POLD3: variants seen among roughly 807,000 people sequenced by gnomAD.
POLD3 encodes DNA polymerase delta 3, accessory subunit, also known as DNA polymerase delta subunit 3.
A neutral mutation model predicts 58.2 loss-of-function variants in POLD3; 19 were observed. The observed-to-expected ratio is 0.33, with a 90% CI of 0.23 to 0.48. The LOEUF (loss-of-function observed/expected upper bound fraction) is 0.48, where lower values mean the gene tolerates loss of function less well. POLD3 is among the 20% of genes least tolerant of loss of function. The probability of loss-of-function intolerance (pLI) is 0.99; values close to 1 mark genes in which losing one functional copy is unlikely to be tolerated. For synonymous variants in POLD3, 172 were observed against 193.5 expected (o/e 0.89, Z 0.92); for missense variants, 504 against 545.5 (o/e 0.92, Z 0.76).
At chr11:74,646,836 C>A (rs1247004710), downstream of POLD3, among the ~76,000 whole-genome samples, 26 of 152,162 alleles carry the variant, frequency 1.7e-4, no homozygotes, top group Non-Finnish European at 3.8e-4. Flanking sequence ...TCCTAGGATA[C>A]TTGGTTTCAA....
At chr11:74,655,325 C>T (rs2033120339) in intron 4 of POLD3, among the ~76,000 whole-genome samples, 1 of 152,244 alleles carries the variant, frequency 6.6e-6, no homozygotes, top group Non-Finnish European at 1.5e-5. Flanking sequence ...TCCCGCACCA[C>T]AGACTCTATA....
chr11:74,601,270 A>G (rs1591289706), intron 2 of POLD3, among the ~76,000 whole-genome samples: 1 of 152,194 alleles, frequency 6.6e-6, no homozygotes, highest in African/African-American at 2.4e-5. Flanking sequence ...ATGTTTGTGG[A>G]TCTGTTAGCT....
chr11:74,619,576 TG>T (rs2032187612), intron 6 of POLD3, among the ~76,000 whole-genome samples: 1 of 152,182 alleles, frequency 6.6e-6, no homozygotes, highest in African/African-American at 2.4e-5. Context: ...ATGGTAAAAC[TG>T]AAACCTAGAC....
At chr11:74,646,856 G>A (rs1203934576), downstream of POLD3, among the ~76,000 whole-genome samples, 2 of 152,316 alleles carry the variant, frequency 1.3e-5, no homozygotes, top group East Asian at 1.9e-4. Flanking sequence ...AGCTTATAAG[G>A]TATGTGAAGA....
At chr11:74,605,492 C>T (rs532292645) in intron 3 of POLD3, among the ~76,000 whole-genome samples, 217 of 152,304 alleles carry the variant, frequency 1.4e-3, no homozygotes, top group African/African-American at 5.1e-3. Flanking sequence ...CTTGTTCCCT[C>T]TCCTGCACCA....
intron 11 of POLD3, among the ~76,000 whole-genome samples, chr11:74,637,435 C>CTTTTTTTTTTTTTTTTTTTT (rs5792663): frequency 8.7e-6 from 1 of 115,476 alleles, no homozygotes; most frequent in Non-Finnish European, 1.7e-5. Context: ...CTTTTTCTTC[C>CTTTTTTTTTTTTTTTTTTTT]TTTTTTTTTT....
chr11:74,660,859 C>T (rs2033197718), intron 4 of POLD3, among the ~76,000 whole-genome samples: 3 of 151,944 alleles, frequency 2.0e-5, no homozygotes, highest in Admixed American at 2.0e-4. Flanking sequence ...TACATAGTCT[C>T]AGGTAGTTCT....
intron 4 of POLD3, among the ~76,000 whole-genome samples, chr11:74,667,794 G>A (rs1391287499): frequency 6.6e-6 from 1 of 152,100 alleles, no homozygotes; most frequent in Non-Finnish European, 1.5e-5. Context: ...CACAGAAAGG[G>A]CGAAAATATT....
At position 74,600,612 on chromosome 11, in the gene POLD3, C is replaced by T. The variant is rs539526681; in HGVS notation, c.117-4080C>T. ...ATCGCGCCACTGCACTCCAGCCTGG[C>T]GACAGAGCGATACTCTATCTCCAAA... is the stretch of plus-strand genomic sequence containing the variant. On this transcript the variant is annotated intron_variant, in intron 2 of 11. Coordinates refer to ENST00000263681, the MANE Select transcript of POLD3 (RefSeq NM_006591.3). Among the ~76,000 whole-genome samples, 5 of 150,978 alleles carry T rather than the reference C, an allele frequency of 3.3e-5. No individual in the cohort carries two copies. The South Asian group carries it at 6.3e-4, about 19-fold the overall frequency.
chr11:74,607,242 A>T (rs934720070), intron 3 of POLD3, among the ~76,000 whole-genome samples: 29 of 100,672 alleles, frequency 2.9e-4, no homozygotes, highest in Non-Finnish European at 4.2e-4. Flanking sequence ...TATTATTATT[A>T]TATATTTATT....
chr11:74,596,222 C>T (rs1336676154), intron 2 of POLD3, among the ~76,000 whole-genome samples: 3 of 145,430 alleles, frequency 2.1e-5, no homozygotes, highest in South Asian at 2.2e-4. Context: ...CTTGCTCTGT[C>T]GCCCAGGCTG....
chr11:74,640,871 G>C lies in POLD3; in HGVS notation c.*105G>C. Reference sequence around the variant, plus strand: ...GTTCATCTAGATCTCCACCTCACCTGTATCAAAAGACTGTTCTTTCATCCT... The same window carrying C: ...GTTCATCTAGATCTCCACCTCACCTCTATCAAAAGACTGTTCTTTCATCCT... On this transcript the variant is annotated 3_prime_UTR_variant, in exon 12 of 12. Coordinates refer to ENST00000263681, the MANE Select transcript of POLD3 (RefSeq NM_006591.3). 7.4e-7 allele frequency: 1 copy of C among 1,359,146 alleles called. No individual in the cohort carries two copies. The highest frequency in any genetic ancestry group is 9.5e-7 in the Non-Finnish European group (1 of 1,053,546). The allele number at this position is 1,359,146 out of a possible 1,614,324, so 84.2% of individuals were successfully genotyped here. A position where few individuals can be genotyped will look rare whatever the true frequency, so the allele number is the denominator to read the frequency against.
intron 2 of POLD3, among the ~76,000 whole-genome samples, chr11:74,601,630 G>A (rs1262213869): frequency 6.6e-6 from 1 of 152,096 alleles, no homozygotes; most frequent in Non-Finnish European, 1.5e-5. Context: ...CTACCAGGAA[G>A]AAAAAATAAT....
chr11:74,601,113 A>G (rs1217431236), intron 2 of POLD3, among the ~76,000 whole-genome samples: 1 of 152,238 alleles, frequency 6.6e-6, no homozygotes, highest in East Asian at 1.9e-4. Context: ...AAGTGCATAG[A>G]GGACAATGAC....
At chr11:74,631,542 C>T (rs2032590721) in intron 9 of POLD3, among the ~76,000 whole-genome samples, 2 of 134,758 alleles carry the variant, frequency 1.5e-5, no homozygotes, top group Non-Finnish European at 3.0e-5. Context: ...TGCAGTGGTG[C>T]GATGCGATCT....
intron 4 of POLD3, among the ~76,000 whole-genome samples, chr11:74,657,736 A>G (rs2033155263): frequency 1.3e-5 from 2 of 152,180 alleles, no homozygotes; most frequent in South Asian, 4.1e-4. Context: ...TACTATTACC[A>G]GTGAGTTTTG....
intron 9 of POLD3, 142 bp from the exon 10 acceptor site, chr11:74,634,441 A>T: frequency 1.9e-6 from 1 of 534,396 alleles, no homozygotes; most frequent in Non-Finnish European, 3.4e-6. Flanking sequence ...ATAACTATAT[A>T]ACTACAGAGT....
intron 2 of POLD3, among the ~76,000 whole-genome samples, chr11:74,596,661 T>TAATAC (rs199654501): frequency 6.6e-6 from 1 of 152,098 alleles, no homozygotes; most frequent in East Asian, 1.9e-4. Context: ...TTCAAGAATA[T>TAATAC]ATCATCACTA....
Position 74,636,243 on chromosome 11 carries a change from C to A in POLD3, c.1166C>A (p.Ser389Tyr), listed in dbSNP as rs1186029047. The A allele has an allele frequency of 6.2e-7, 1 of 1,612,876 alleles. No homozygotes were observed. Among genetic ancestry groups the A allele is most frequent in the Non-Finnish European group, 8.5e-7 (1 of 1,178,906 alleles). The change falls in exon 11 of 12, where the codon TCT becomes TAT. Residue 389 changes from serine (S) to tyrosine (Y), a missense_variant. Coordinates refer to ENST00000263681, the MANE Select transcript of POLD3 (RefSeq NM_006591.3). ...AGAAAACGAAAACGCGTACTAAAATCTAAAACTTACCTGGATGGGGAAGGC... is the reference window on the plus strand; with the variant it reads ...AGAAAACGAAAACGCGTACTAAAATATAAAACTTACCTGGATGGGGAAGGC... ...NKRKRKRVLK[S>Y]KTYLDGEGCI...
Sources: gnomAD v4.1 joint callset for allele counts (sites outside exome capture counted in the v4.1 genomes callset) on GRCh38, gnomAD v4.1.1 for gene constraint, MANE v1.5 for transcripts, NCBI Gene and HGNC (gene_info 2026-07-23, HGNC 2026-07-21) for gene names.